The following CXADR variants were observed in gnomAD, a reference collection of about 807,000 sequenced individuals.
CXADR encodes the protein coxsackievirus and adenovirus receptor.
Under a neutral mutation model 40.3 loss-of-function variants are expected in CXADR, and 20 were observed. The ratio of observed to expected loss-of-function variants is 0.50; its 90% confidence interval spans 0.35 to 0.72. The LOEUF (loss-of-function observed/expected upper bound fraction) is 0.72, where lower values mean the gene tolerates loss of function less well. Among genes scored for constraint, CXADR ranks in the 30% least tolerant of loss-of-function variants. The pLI, the probability that CXADR is intolerant of heterozygous loss-of-function variation, is 0.01. For synonymous variants in CXADR, 150 were observed against 161.3 expected, an observed-to-expected ratio of 0.93 and a Z score of 0.53; for missense variants, 332 against 449.1, an observed-to-expected ratio of 0.74 and a Z score of 2.36.
intron 3 of CXADR, 108 bp downstream of exon 3, chr21:17,552,061 C>G: frequency 1.3e-6 from 1 of 775,036 alleles, no homozygotes; most frequent in Non-Finnish European, 2.1e-6. Flanking sequence ...TTTAGAATAA[C>G]AATTTTAAAC....
At chr21:17,529,949 CT>C (rs556998750) in intron 1 of CXADR, among the ~76,000 whole-genome samples, 169 of 142,636 alleles carry the variant, frequency 1.2e-3, no homozygotes, top group Non-Finnish European at 1.1e-3. Flanking sequence ...TTTTCTTTTT[CT>C]TTTTTTTTTT....
chr21:17,569,874 A>G lies in CXADR; in HGVS notation c.*4182A>G. On this transcript the variant is annotated 3_prime_UTR_variant, in exon 7 of 7. Transcript: ENST00000284878. The stretch of plus-strand genomic sequence containing the variant: ...CACTTATTCTTTTCCCTAATTGTGA[A>G]TTTTAGTGATAAATACACCTGTACT... 1 of 985,196 alleles carries G rather than the reference A, an allele frequency of 1.0e-6. No homozygotes were observed. The highest frequency in any genetic ancestry group is 4.7e-5 in the South Asian group (1 of 21,280). The allele number at this position is 985,196 out of a possible 1,614,324, so 61.0% of individuals were successfully genotyped here.
At chr21:17,588,050 G>GC (rs2061410033) in intron 7 of CXADR, among the ~76,000 whole-genome samples, 1 of 152,130 alleles carries the variant, frequency 6.6e-6, no homozygotes, top group Non-Finnish European at 1.5e-5. Context: ...TTGTAGATAT[G>GC]TGGCGTTATT....
intron 7 of CXADR, among the ~76,000 whole-genome samples, chr21:17,578,940 G>GC (rs1477032691): frequency 6.6e-6 from 1 of 152,084 alleles, no homozygotes; most frequent in Admixed American, 6.6e-5. Context: ...TCTTCTCTTT[G>GC]CCTCCCCACA....
chr21:17,568,349 C>T lies in CXADR; in HGVS notation c.*2657C>T, dbSNP rs555799765. ...TTCACCGTGTTAGCCAGGATGGTCTCGATCTCCTGACCTCGTGATCTGCCT... is the reference window on the plus strand; with the variant it reads ...TTCACCGTGTTAGCCAGGATGGTCTTGATCTCCTGACCTCGTGATCTGCCT... On this transcript the variant is annotated 3_prime_UTR_variant, in exon 7 of 7. Coordinates refer to ENST00000284878, the MANE Select transcript of CXADR (RefSeq NM_001338.5). The T allele has an allele frequency of 5.5e-4, 478 of 863,360 alleles. No homozygotes were observed. The African/African-American group carries it at 7.2e-3, about 13-fold the overall frequency. The allele number at this position is 863,360 out of a possible 1,614,324, so 53.5% of individuals were successfully genotyped here. A position where few individuals can be genotyped will look rare whatever the true frequency, so the allele number is the denominator to read the frequency against.
chr21:17,600,094 G>T, the CXADR span, among the ~76,000 whole-genome samples: 25 of 151,728 alleles, frequency 1.6e-4, no homozygotes, highest in African/African-American at 5.3e-4. Context: ...GAAGATTTTT[G>T]ATTTTTTTTA....
intron 1 of CXADR, among the ~76,000 whole-genome samples, chr21:17,515,669 G>A (rs1009269679): frequency 8.6e-5 from 13 of 151,968 alleles, no homozygotes; most frequent in African/African-American, 2.7e-4. Flanking sequence ...AAAATTAGCC[G>A]AGCCTGGTGG....
intron 7 of CXADR, among the ~76,000 whole-genome samples, chr21:17,577,528 G>A (rs1241265082): frequency 1.4e-5 from 2 of 148,036 alleles, no homozygotes; most frequent in African/African-American, 5.0e-5. Flanking sequence ...CAGAGCACAG[G>A]TATTAAGACA....
At chr21:17,576,945 T>TA (rs950440572) in intron 7 of CXADR, 3 of 152,222 alleles carry the variant, frequency 2.0e-5, no homozygotes, top group Non-Finnish European at 4.4e-5. Flanking sequence ...TATTTATAGT[T>TA]AAACAATATT....
chr21:17,610,867 A>G, the CXADR span, among the ~76,000 whole-genome samples: 9 of 152,258 alleles, frequency 5.9e-5, no homozygotes, highest in Non-Finnish European at 8.8e-5. Flanking sequence ...TCTCTTCAGA[A>G]TATGACTCCT....
chr21:17,583,927 G>T lies in CXADR; in HGVS notation c.1018-9225G>T, dbSNP rs961195812. ...GGGTGTAGTAACCTCACACAGAATG[G>T]ATCTTAACCTCCTTCCTTCCTTTTG... On this transcript the variant is annotated intron_variant, in intron 7 of 7. Coordinates refer to the CXADR transcript ENST00000400169. Among the ~76,000 whole-genome samples, 4 of 152,142 alleles carry T rather than the reference G, an allele frequency of 2.6e-5. No homozygotes were observed. In the South Asian group the frequency reaches 8.3e-4, roughly 32 times the overall value.
the CXADR span, among the ~76,000 whole-genome samples, chr21:17,619,376 A>G: frequency 1.3e-5 from 2 of 152,138 alleles, no homozygotes; most frequent in Non-Finnish European, 1.5e-5. Context: ...ACAGGAGTTC[A>G]TGGCTAACAT....
chr21:17,518,945 C>G (rs1275745332), intron 1 of CXADR: 2 of 1,608,328 alleles, frequency 1.2e-6, no homozygotes, highest in South Asian at 1.1e-5. Context: ...GTACCCTTGC[C>G]CCCTATCCGG....
chr21:17,625,347 T>C, the CXADR span, among the ~76,000 whole-genome samples: 1 of 152,088 alleles, frequency 6.6e-6, no homozygotes, highest in Non-Finnish European at 1.5e-5. Context: ...TTATTGCAGA[T>C]TTCAAAATAC....
Position 17,566,417 on chromosome 21 carries a change from C to T in CXADR, c.*725C>T, listed in dbSNP as rs1409023670. On this transcript the variant is annotated 3_prime_UTR_variant, in exon 7 of 7. Transcript: ENST00000284878. ...AAGTTAGAACATTTGCTGTCAGCCA[C>T]ATATTGAGATGACACTAGGTGCAAT... 3 of 985,242 alleles carry T rather than the reference C, an allele frequency of 3.0e-6. No homozygotes were observed. In the African/African-American group the frequency reaches 5.2e-5, roughly 17 times the overall value. 61.0% of individuals were successfully genotyped at this position (985,242 alleles called of 1,614,324 possible).
exon 8 of CXADR, chr21:17,593,329 C>T: frequency 1.3e-6 from 1 of 770,884 alleles, no homozygotes; most frequent in Non-Finnish European, 1.8e-6. Flanking sequence ...CTACTTTATG[C>T]AATGGCATTA....
downstream of CXADR, among the ~76,000 whole-genome samples, chr21:17,594,830 T>C (rs530526566): frequency 2.0e-5 from 3 of 151,794 alleles, no homozygotes; most frequent in Non-Finnish European, 2.9e-5. Context: ...ACAATAGACA[T>C]TGGAGTCTAT....
In CXADR at chr21:17,568,499, T is replaced by C. The variant is rs1267837845; in HGVS notation, c.*2807T>C. ...TGAGAGACTTGATACCATCCATCTC[T>C]TTAGGTTACAGAGGATAATTTGAAG... On this transcript the variant is annotated 3_prime_UTR_variant, in exon 7 of 7. Transcript: ENST00000284878. 1 of 432,432 alleles carries C rather than the reference T, an allele frequency of 2.3e-6. No homozygotes were observed. The highest frequency in any genetic ancestry group is 2.0e-4 in the East Asian group (1 of 5,054). The allele number at this position is 432,432 out of a possible 1,614,324, so 26.8% of individuals were successfully genotyped here. A position where few individuals can be genotyped will look rare whatever the true frequency, so the allele number is the denominator to read the frequency against.
chr21:17,565,827 A>C lies in CXADR; in HGVS notation c.*135A>C. 1 of 1,328,646 alleles carries C rather than the reference A, an allele frequency of 7.5e-7. No homozygotes were observed. Among genetic ancestry groups the C allele is most frequent in the South Asian group, 2.6e-5 (1 of 37,982 alleles). The allele number at this position is 1,328,646 out of a possible 1,614,324, so 82.3% of individuals were successfully genotyped here. Reference sequence around the variant, plus strand: ...AAGTTAATCAGGAACTGTACGGAATATATTTTTAAAAATTTTTGTTTGGTT... The same window carrying C: ...AAGTTAATCAGGAACTGTACGGAATCTATTTTTAAAAATTTTTGTTTGGTT... On this transcript the variant is annotated 3_prime_UTR_variant, in exon 7 of 7. Coordinates refer to ENST00000284878, the MANE Select transcript of CXADR (RefSeq NM_001338.5).
Sources: allele counts gnomAD v4.1 joint callset (sites outside exome capture counted in the v4.1 genomes callset), GRCh38; gene constraint gnomAD v4.1.1; transcripts MANE v1.5; gene names NCBI Gene and HGNC (gene_info 2026-07-23, HGNC 2026-07-21).